Variants in MANBAL observed in about 807,000 individuals in gnomAD.
MANBAL encodes protein MANBAL.
A neutral mutation model predicts 6.4 loss-of-function variants in MANBAL; 1 was observed. The ratio of observed to expected loss-of-function variants is 0.16; its 90% CI spans 0.06 to 0.74. The LOEUF is 0.74. Among genes scored for constraint, MANBAL ranks in the 30% least tolerant of loss-of-function variants. MANBAL has a pLI of 0.78. For missense variants in MANBAL, 100 were observed against 107.8 expected (o/e 0.93, Z 0.32); for synonymous variants, 47 against 45.8 (o/e 1.03, Z -0.10).
At chr20:37,308,274 C>T (rs2069302727) in intron 2 of MANBAL, among the ~76,000 whole-genome samples, 1 of 152,112 alleles carries the variant, frequency 6.6e-6, no homozygotes, top group African/African-American at 2.4e-5. Context: ...AGGGGGACTG[C>T]TAGGCAGACA....
intron 1 of MANBAL, among the ~76,000 whole-genome samples, chr20:37,293,953 G>A (rs2068932335): frequency 6.6e-6 from 1 of 152,180 alleles, no homozygotes; most frequent in African/African-American, 2.4e-5. Flanking sequence ...TCATGCGTGT[G>A]TATGTTGGTG....
chr20:37,312,976 A>C (rs2069421458), intron 2 of MANBAL, among the ~76,000 whole-genome samples: 2 of 152,238 alleles, frequency 1.3e-5, no homozygotes. Flanking sequence ...GGTTACTGGG[A>C]GACCTTGGCT....
chr20:37,316,714 G>A lies in MANBAL; in HGVS notation c.*299G>A, dbSNP rs11907459. 0.011 allele frequency: 2,567 copies of A among 240,880 alleles called. 68 individuals are homozygous for A. Among genetic ancestry groups the A allele is most frequent in the African/African-American group, 0.053 (2,334 of 43,676 alleles). The allele number at this position is 240,880 out of a possible 1,614,324, so 14.9% of individuals were successfully genotyped here. A position where few individuals can be genotyped will look rare whatever the true frequency, so the allele number is the denominator to read the frequency against. On this transcript the variant is annotated 3_prime_UTR_variant, in exon 3 of 3. Coordinates refer to ENST00000373606, the MANE Select transcript of MANBAL (RefSeq NM_001003897.2). ...TCAGCTCACAGAGTCACATTTTCTT[G>A]CTTAGTCATGTGTCCCTCCTTGAGT...
chr20:37,304,678 G>C (rs1490228511), intron 2 of MANBAL, among the ~76,000 whole-genome samples: 1 of 152,186 alleles, frequency 6.6e-6, no homozygotes, highest in Non-Finnish European at 1.5e-5. Flanking sequence ...GGATGATGGG[G>C]AATTACTGAT....
intron 1 of MANBAL, among the ~76,000 whole-genome samples, chr20:37,290,307 G>T (rs954381967): frequency 6.6e-5 from 10 of 152,208 alleles, no homozygotes; most frequent in Admixed American, 5.9e-4. Context: ...CCGGCTACCA[G>T]TGTGACTTTG....
chr20:37,301,348 G>A lies in MANBAL; in HGVS notation c.85G>A (p.Gly29Arg), dbSNP rs751428129. ...CCTGCTACGGTACGGACTCTTCCTG[G>A]GAGCCATCTTCCAGCTCATCTGTGT... is the stretch of plus-strand genomic sequence containing the variant. ...ENLLRYGLFL[G>R]AIFQLICVLA... is the part of the protein sequence containing the mutation. The change falls in exon 2 of 3, where the codon GGA becomes AGA. Residue 29 changes from glycine (G) to arginine (R), a missense_variant. By Grantham distance (125) the Gly-to-Arg change is moderately radical (BLOSUM62 -2). Coordinates refer to ENST00000373606, the MANE Select transcript of MANBAL (RefSeq NM_001003897.2). 1.9e-6 allele frequency: 3 copies of A among 1,613,664 alleles called. No individual in the cohort carries two copies. The highest frequency in any genetic ancestry group is 1.1e-5 in the South Asian group (1 of 91,052).
At chr20:37,306,023 A>G (rs1231850477) in intron 2 of MANBAL, among the ~76,000 whole-genome samples, 3 of 152,044 alleles carry the variant, frequency 2.0e-5, no homozygotes, top group African/African-American at 7.2e-5. Flanking sequence ...TCTTAGGGAG[A>G]AAGGGAGCCC....
chr20:37,314,504 G>A (rs1007593453), intron 2 of MANBAL, among the ~76,000 whole-genome samples: 5 of 152,240 alleles, frequency 3.3e-5, no homozygotes, highest in Admixed American at 6.5e-5. Context: ...CTTGAGCTCA[G>A]AAGGCAGACT....
At chr20:37,297,399 C>T (rs898018519) in intron 1 of MANBAL, 34 of 152,204 alleles carry the variant, frequency 2.2e-4, no homozygotes, top group African/African-American at 7.9e-4. Flanking sequence ...AGGATTCTGG[C>T]TGGGAAGAAA....
At chr20:37,291,745 GA>G (rs1264565640) in intron 1 of MANBAL, among the ~76,000 whole-genome samples, 1 of 152,106 alleles carries the variant, frequency 6.6e-6, no homozygotes, top group African/African-American at 2.4e-5. Flanking sequence ...TCCTGATAGT[GA>G]ATAAGTCTCA....
At chr20:37,316,073 T>G (rs1169707225) in intron 2 of MANBAL, among the ~76,000 whole-genome samples, 2 of 152,230 alleles carry the variant, frequency 1.3e-5, no homozygotes, top group East Asian at 3.8e-4. Flanking sequence ...AGGTTCTACC[T>G]GGGCGTCTGA....
intron 2 of MANBAL, among the ~76,000 whole-genome samples, chr20:37,303,425 A>G (rs1050922311): frequency 2.0e-5 from 3 of 152,254 alleles, no homozygotes; most frequent in African/African-American, 7.2e-5. Context: ...GTGAGTTCAT[A>G]CTGGTATTTC....
At position 37,316,549 on chromosome 20, in the gene MANBAL, C is replaced by T. The variant is rs1013781628; in HGVS notation, c.*134C>T. ...TGTGACGCCCTATGACCGCAGAGATCTAGACAGTCGTAACAGTCCCCAGGC... is the reference window on the plus strand; with the variant it reads ...TGTGACGCCCTATGACCGCAGAGATTTAGACAGTCGTAACAGTCCCCAGGC... On this transcript the variant is annotated 3_prime_UTR_variant, in exon 3 of 3. Coordinates refer to ENST00000373606, the MANE Select transcript of MANBAL (RefSeq NM_001003897.2). The T allele has an allele frequency of 6.0e-6, 4 of 671,046 alleles. No individual in the cohort carries two copies. In the African/African-American group the frequency reaches 7.3e-5, roughly 12 times the overall value. 41.6% of individuals were successfully genotyped at this position (671,046 alleles called of 1,614,324 possible).
At chr20:37,290,690 C>G (rs1401745102) in intron 1 of MANBAL, among the ~76,000 whole-genome samples, 3 of 152,100 alleles carry the variant, frequency 2.0e-5, no homozygotes, top group African/African-American at 4.8e-5. Flanking sequence ...AACTCCCGAC[C>G]TCAGGTGATC....
intron 2 of MANBAL, among the ~76,000 whole-genome samples, chr20:37,311,945 T>C (rs2069398630): frequency 6.6e-6 from 1 of 152,112 alleles, no homozygotes; most frequent in African/African-American, 2.4e-5. Context: ...GTGGAGTGTG[T>C]CCAGAGGGGA....
chr20:37,306,014 C>G (rs1417931197), intron 2 of MANBAL, among the ~76,000 whole-genome samples: 1 of 152,008 alleles, frequency 6.6e-6, no homozygotes, highest in South Asian at 2.1e-4. Flanking sequence ...ACGGGGTACT[C>G]TTAGGGAGAA....
At chr20:37,312,415 A>G (rs2069410196) in intron 2 of MANBAL, among the ~76,000 whole-genome samples, 1 of 152,176 alleles carries the variant, frequency 6.6e-6, no homozygotes, top group South Asian at 2.1e-4. Flanking sequence ...TGAGGGCCCC[A>G]GGAAACCTGG....
chr20:37,294,443 G>A (rs900086867), intron 1 of MANBAL, among the ~76,000 whole-genome samples: 7 of 152,242 alleles, frequency 4.6e-5, no homozygotes, highest in African/African-American at 1.7e-4. Context: ...TTTGAAATGA[G>A]TGAGACCATG....
chr20:37,316,439 C>T lies in MANBAL; in HGVS notation c.*24C>T, dbSNP rs746745446. ...AGAAGAGGAGGCCTGAGGAGCTGGG[C>T]GGGCAGGGAGAGGGTCTTGGGGACA... is the stretch of plus-strand genomic sequence containing the variant. On this transcript the variant is annotated 3_prime_UTR_variant, in exon 3 of 3. Coordinates refer to ENST00000373606, the MANE Select transcript of MANBAL (RefSeq NM_001003897.2). 1.5e-5 allele frequency: 24 copies of T among 1,599,796 alleles called. 1 individual carries two copies. Among genetic ancestry groups the T allele is most frequent in the South Asian group, 4.4e-5 (4 of 90,488 alleles).
Sources: allele counts gnomAD v4.1 joint callset (sites outside exome capture counted in the v4.1 genomes callset), GRCh38; gene constraint gnomAD v4.1.1; transcripts MANE v1.5; gene names NCBI Gene and HGNC (gene_info 2026-07-23, HGNC 2026-07-21).